DOCK9: variants seen among roughly 807,000 people sequenced by gnomAD.
The protein encoded by DOCK9 is dedicator of cytokinesis 9.
Under a neutral mutation model 263.3 loss-of-function variants are expected in DOCK9, and 89 were observed. The ratio of observed to expected loss-of-function variants is 0.34; its 90% CI spans 0.28 to 0.40. The LOEUF is 0.40. Ranked by LOEUF, DOCK9 falls within the 10% of genes least tolerant of loss-of-function variation. The probability of loss-of-function intolerance (pLI) is 1.00; values close to 1 mark genes in which losing one functional copy is unlikely to be tolerated. For synonymous variants in DOCK9, 976 were observed against 973.1 expected, an observed-to-expected ratio of 1.00 and a Z score of -0.06; for missense variants, 2,140 against 2,603.4, an observed-to-expected ratio of 0.82 and a Z score of 3.87.
In DOCK9 at chr13:98,853,530, G is replaced by C. The variant is rs533849716; in HGVS notation, c.3832-8C>G. On this transcript the variant is annotated splice_region_variant and splice_polypyrimidine_tract_variant and intron_variant, in intron 34 of 52. Coordinates refer to ENST00000682017, the MANE Select transcript of DOCK9 (RefSeq NM_001366683.2). Reference sequence around the variant, plus strand: ...TGTGCTACTTTGTTGGTGCTAAAAAGAAAATACAGGTGATTTTTCTATTTA... The same window carrying C: ...TGTGCTACTTTGTTGGTGCTAAAAACAAAATACAGGTGATTTTTCTATTTA... 80 of 1,579,904 alleles carry C rather than the reference G, an allele frequency of 5.1e-5. No homozygotes were observed. In the East Asian group the frequency reaches 1.7e-3, roughly 34 times the overall value.
intron 1 of DOCK9, among the ~76,000 whole-genome samples, chr13:99,000,093 A>C (rs1017650883): frequency 1.3e-5 from 2 of 152,204 alleles, no homozygotes; most frequent in Non-Finnish European, 2.9e-5. Flanking sequence ...TGACCCCCTA[A>C]ATCAGTTTGG....
At chr13:98,866,869 C>A (rs536373499) in intron 30 of DOCK9, among the ~76,000 whole-genome samples, 12 of 152,232 alleles carry the variant, frequency 7.9e-5, no homozygotes, top group African/African-American at 2.9e-4. Flanking sequence ...AAACCGGATG[C>A]CTCCCTGGGA....
chr13:99,055,486 G>C (rs1024373006), intron 1 of DOCK9, among the ~76,000 whole-genome samples: 2 of 152,130 alleles, frequency 1.3e-5, no homozygotes, highest in African/African-American at 2.4e-5. Flanking sequence ...AAAGCGAGCC[G>C]GTGCTTAACT....
At chr13:99,004,163 G>A (rs1381890364) in intron 1 of DOCK9, among the ~76,000 whole-genome samples, 1 of 152,170 alleles carries the variant, frequency 6.6e-6, no homozygotes, top group Non-Finnish European at 1.5e-5. Flanking sequence ...TGTGGTACCT[G>A]TGCTTACCCC....
intron 9 of DOCK9, among the ~76,000 whole-genome samples, chr13:98,913,532 C>T (rs1595252344): frequency 6.6e-6 from 1 of 151,976 alleles, no homozygotes; most frequent in East Asian, 1.9e-4. Context: ...GGTATGTTAG[C>T]ATTTATAAAA....
chr13:98,796,109 G>C lies in DOCK9; in HGVS notation c.6156+1006C>G, dbSNP rs1412735456. ...GGGTGCTTTCCTCTGCCCATGTACT[G>C]TCATTATGCCAATGTCTGTAGTTGC... On this transcript the variant is annotated intron_variant, in intron 52 of 52. Coordinates refer to ENST00000682017, the MANE Select transcript of DOCK9 (RefSeq NM_001366683.2). 5.4e-6 allele frequency: 5 copies of C among 932,264 alleles called. 1 individual carries two copies. In the Admixed American group the frequency reaches 6.1e-5, roughly 11 times the overall value. The allele number at this position is 932,264 out of a possible 1,614,324, so 57.7% of individuals were successfully genotyped here.
rs138456755 is a variant in DOCK9, at chr13:98,909,315, A to T, written c.961-4609T>A. ...ACAAGGTTTTCTTCTTTGTCTTAAGAAGTAGTTATGGACCAAACATTCAAG... is the reference window on the plus strand; with the variant it reads ...ACAAGGTTTTCTTCTTTGTCTTAAGTAGTAGTTATGGACCAAACATTCAAG... On this transcript the variant is annotated intron_variant, in intron 9 of 52. Coordinates refer to ENST00000682017, the MANE Select transcript of DOCK9 (RefSeq NM_001366683.2). Among the ~76,000 whole-genome samples, 534 of 152,286 alleles carry T rather than the reference A, an allele frequency of 3.5e-3. 1 individual carries two copies. Among genetic ancestry groups the T allele is most frequent in the African/African-American group, 0.012 (506 of 41,556 alleles).
rs2055777187 is a variant in DOCK9 at position 98,941,178 on chromosome 13, C to T, written c.244-10921G>A. Among the ~76,000 whole-genome samples, 4 of 152,152 alleles carry T rather than the reference C, an allele frequency of 2.6e-5. No homozygotes were observed. The South Asian group carries it at 8.3e-4, about 32-fold the overall frequency. ...CTCAAAGATACTTCTGTGTCTCCTG[C>T]CTGACTTGAGAATCTGACCATGTTA... On this transcript the variant is annotated intron_variant, in intron 2 of 52. Coordinates refer to ENST00000682017, the MANE Select transcript of DOCK9 (RefSeq NM_001366683.2).
chr13:98,868,067 G>A, intron 28 of DOCK9, 56 bp from the exon 29 acceptor site: 1 of 1,571,952 alleles, frequency 6.4e-7, no homozygotes, highest in South Asian at 1.1e-5. Context: ...TCGGAAATTT[G>A]GATTCAAAGC....
chr13:99,011,232 G>T (rs975769186), intron 1 of DOCK9, among the ~76,000 whole-genome samples: 78 of 151,930 alleles, frequency 5.1e-4, no homozygotes, highest in African/African-American at 1.9e-3. Context: ...TATTTCAAAA[G>T]GATTTAAAGT....
At chr13:98,874,773 A>T (rs1571435) in intron 27 of DOCK9, among the ~76,000 whole-genome samples, 2 of 152,054 alleles carry the variant, frequency 1.3e-5, no homozygotes, top group African/African-American at 4.8e-5. Context: ...AAAAGTTTCC[A>T]AGCCACTCTG....
intron 1 of DOCK9, among the ~76,000 whole-genome samples, chr13:99,022,538 A>G (rs1886240351): frequency 6.6e-6 from 1 of 152,222 alleles, no homozygotes. Context: ...ACCTAGCTCC[A>G]AGGAGCAAGC....
intron 52 of DOCK9, among the ~76,000 whole-genome samples, chr13:98,795,859 A>G (rs111579121): frequency 0.02 from 3,063 of 151,434 alleles, 48 homozygotes; most frequent in East Asian, 0.051. Flanking sequence ...CCTGGGTTCC[A>G]GCAATTCTCC....
At chr13:98,901,068 G>A (rs528014309) in intron 13 of DOCK9, among the ~76,000 whole-genome samples, 4 of 152,196 alleles carry the variant, frequency 2.6e-5, no homozygotes, top group Non-Finnish European at 5.9e-5. Context: ...GGTAGCACAA[G>A]GTGCTACGAA....
intron 13 of DOCK9, among the ~76,000 whole-genome samples, chr13:98,901,019 C>T (rs1273865029): frequency 6.6e-6 from 1 of 152,130 alleles, no homozygotes; most frequent in Non-Finnish European, 1.5e-5. Flanking sequence ...ATATGTAAAA[C>T]TGGCAAGGAT....
In DOCK9 at chr13:98,850,126, C is replaced by A. The variant is rs765950759; in HGVS notation, c.3947-13G>T. ...GTAAACAAAGCATCTAGAAAATAAA[C>A]ATTTACTTAGAATCACAATACATAT... On this transcript the variant is annotated splice_polypyrimidine_tract_variant and intron_variant, in intron 35 of 52. Transcript: ENST00000682017. 1.4e-6 allele frequency: 2 copies of A among 1,462,334 alleles called. No homozygotes were observed. The highest frequency in any genetic ancestry group is 2.4e-5 in the East Asian group (1 of 41,916). The allele number at this position is 1,462,334 out of a possible 1,614,324, so 90.6% of individuals were successfully genotyped here.
At chr13:98,956,502 C>CT (rs2058078304) in intron 1 of DOCK9, among the ~76,000 whole-genome samples, 1 of 152,012 alleles carries the variant, frequency 6.6e-6, no homozygotes, top group Admixed American at 6.6e-5. Context: ...AATCTCAGCA[C>CT]TTTGAGGGCC....
chr13:98,881,436 A>G (rs1174223851), intron 25 of DOCK9, 122 bp downstream of exon 25: 1 of 740,554 alleles, frequency 1.4e-6, no homozygotes, highest in East Asian at 2.8e-5. Context: ...TATGAGAAAT[A>G]GAAGAGAAAG....
At chr13:98,933,267 CT>C (rs1002075204) in intron 2 of DOCK9, among the ~76,000 whole-genome samples, 9 of 151,966 alleles carry the variant, frequency 5.9e-5, no homozygotes, top group African/African-American at 2.2e-4. Context: ...ACTCAAGAAA[CT>C]TTAATTATGG....
Sources: gnomAD v4.1 joint callset for allele counts (sites outside exome capture counted in the v4.1 genomes callset) on GRCh38, gnomAD v4.1.1 for gene constraint, MANE v1.5 for transcripts, NCBI Gene and HGNC (gene_info 2026-07-23, HGNC 2026-07-21) for gene names.